IDE: variants seen among roughly 807,000 people sequenced by gnomAD.
The protein encoded by IDE is insulin degrading enzyme.
In IDE, 58 loss-of-function variants were observed where a neutral mutation model predicts 133.2. The ratio of observed to expected loss-of-function variants is 0.44; its 90% CI spans 0.35 to 0.54. The LOEUF is 0.54. Among genes scored for constraint, IDE ranks in the 20% least tolerant of loss-of-function variants. The pLI, the probability that IDE is intolerant of heterozygous loss-of-function variation, is 0.00. For synonymous variants in IDE, 396 were observed against 421.3 expected, an observed-to-expected ratio of 0.94 and a Z score of 0.73; for missense variants, 981 against 1,234.0, an observed-to-expected ratio of 0.79 and a Z score of 3.07.
chr10:92,465,737 C>G lies in IDE; in HGVS notation c.2427G>C (p.Glu809Asp). Residue 809 changes from glutamate to aspartate, a missense_variant, in exon 20 of 25, where the codon GAG (glutamate) becomes GAC (aspartate). Coordinates refer to ENST00000265986, the MANE Select transcript of IDE (RefSeq NM_004969.4). ...GTTCCGAGATAATCTGACAGAAGAG[C>G]TCCAGAAACATATTCTCTGAGGTGC... ...MQSTSENMFL[E>D]LFCQIISEPC... 1 of 1,614,084 alleles carries G rather than the reference C, an allele frequency of 6.2e-7. No homozygotes were observed.
In IDE at chr10:92,453,410, G is replaced by A. The variant is rs1443109606; in HGVS notation, c.*1034C>T. Reference sequence around the variant, plus strand: ...ACTGGTAGCAACAAGGGATTTTAGAGTTTTATGAAGACCTGCTATATAAGA... The same window carrying A: ...ACTGGTAGCAACAAGGGATTTTAGAATTTTATGAAGACCTGCTATATAAGA... On this transcript the variant is annotated 3_prime_UTR_variant, in exon 25 of 25. Coordinates refer to ENST00000265986, the MANE Select transcript of IDE (RefSeq NM_004969.4). 6.6e-6 allele frequency: 1 copy of A among 152,130 alleles called. No homozygotes were observed. Among genetic ancestry groups the A allele is most frequent in the African/African-American group, 2.4e-5 (1 of 41,436 alleles). The allele number at this position is 152,130 out of a possible 1,614,324, so 9.4% of individuals were successfully genotyped here.
At chr10:92,545,938 A>G (rs764896641) in intron 1 of IDE, among the ~76,000 whole-genome samples, 7 of 152,218 alleles carry the variant, frequency 4.6e-5, no homozygotes, top group Non-Finnish European at 8.8e-5. Flanking sequence ...ACAGATAAAT[A>G]ACCCAAATAA....
chr10:92,568,687 G>A (rs1042221292), intron 1 of IDE, among the ~76,000 whole-genome samples: 12 of 151,904 alleles, frequency 7.9e-5, no homozygotes, highest in Admixed American at 3.3e-4. Context: ...GTGGTGGCAC[G>A]CGCCTGTAGT....
chr10:92,505,754 A>T (rs1307744895), intron 10 of IDE, among the ~76,000 whole-genome samples: 1 of 152,212 alleles, frequency 6.6e-6, no homozygotes, highest in East Asian at 1.9e-4. Context: ...CAGATAGAAC[A>T]GTGTTTCATG....
rs1347499990 is a variant in IDE at position 92,465,702 on chromosome 10, T to C, written c.2462A>G (p.Asn821Ser). ...CAACTGCTCCTTGGTGCGCAGGGTG[T>C]TGAAGCAAGGTTCCGAGATAATCTG... ...FCQIISEPCF[N>S]TLRTKEQLGY... The change falls in exon 20 of 25, where the codon AAC (asparagine) becomes AGC (serine). Residue 821 changes from asparagine to serine, a missense_variant. By Grantham distance (46) the Asn-to-Ser change is conservative. Transcript: ENST00000265986. The C allele has an allele frequency of 4.3e-6, 7 of 1,613,940 alleles. No homozygotes were observed. Among genetic ancestry groups the C allele is most frequent in the Non-Finnish European group, 5.9e-6 (7 of 1,179,828 alleles).
chr10:92,528,020 T>A lies in IDE; in HGVS notation c.661+3728A>T, dbSNP rs180933264. 7.2e-3 allele frequency among the ~76,000 whole-genome samples: 1,092 copies of A among 152,336 alleles called. 18 individuals are homozygous for A. The highest frequency in any genetic ancestry group is 0.045 in the East Asian group (233 of 5,176). On this transcript the variant is annotated intron_variant, in intron 4 of 24. Transcript: ENST00000265986. ...AATTTTAGTGTGTTTGTCTTCTTTC[T>A]GGCAACCTTGCTGAATTATTTTTAA...
intron 2 of IDE, among the ~76,000 whole-genome samples, chr10:92,535,261 G>A (rs1324601537): frequency 2.6e-5 from 4 of 152,000 alleles, no homozygotes; most frequent in South Asian, 4.1e-4. Context: ...CCACCACCGC[G>A]CCCAGCTAAT....
At chr10:92,566,175 A>G (rs1042909014) in intron 1 of IDE, among the ~76,000 whole-genome samples, 34 of 144,316 alleles carry the variant, frequency 2.4e-4, no homozygotes, top group African/African-American at 8.3e-4. Flanking sequence ...GGGCAACATG[A>G]CGAAATCCTG....
chr10:92,488,647 T>G (rs1847154970), intron 12 of IDE, among the ~76,000 whole-genome samples: 2 of 151,760 alleles, frequency 1.3e-5, no homozygotes. Flanking sequence ...TATGGTGGTG[T>G]GCACCTGTAA....
At chr10:92,509,816 A>G (rs1323163335) in intron 6 of IDE, among the ~76,000 whole-genome samples, 1 of 151,196 alleles carries the variant, frequency 6.6e-6, no homozygotes, top group African/African-American at 2.4e-5. Flanking sequence ...AACTACTCAG[A>G]AGGCTGAGGT....
Position 92,452,407 on chromosome 10 carries a change from C to T in IDE, c.*2037G>A, listed in dbSNP as rs1844787019. ...AGTTCCACAAATCTCATTTACTAAG[C>T]ACTGCGTAAACTGCAGTATCTGGGG... On this transcript the variant is annotated 3_prime_UTR_variant, in exon 25 of 25. Transcript: ENST00000265986. 6.6e-6 allele frequency: 1 copy of T among 152,198 alleles called. No individual in the cohort carries two copies. The highest frequency in any genetic ancestry group is 2.1e-4 in the South Asian group (1 of 4,830). 9.4% of individuals were successfully genotyped at this position (152,198 alleles called of 1,614,324 possible). A position where few individuals can be genotyped will look rare whatever the true frequency, so the allele number is the denominator to read the frequency against.
At chr10:92,522,514 A>G (rs74953121) in intron 4 of IDE, among the ~76,000 whole-genome samples, 5,403 of 152,282 alleles carry the variant, frequency 0.035, 363 homozygotes, top group African/African-American at 0.12. Context: ...GTCAAATACA[A>G]CAAATATTAG....
intron 1 of IDE, among the ~76,000 whole-genome samples, chr10:92,554,293 C>G (rs959310126): frequency 1.2e-4 from 18 of 152,284 alleles, no homozygotes; most frequent in African/African-American, 4.3e-4. Context: ...GTGGCTCATG[C>G]CTGTCATCCC....
At chr10:92,546,967 A>G (rs1223753112) in intron 1 of IDE, among the ~76,000 whole-genome samples, 10 of 152,202 alleles carry the variant, frequency 6.6e-5, no homozygotes, top group Admixed American at 6.5e-4. Context: ...AGAATACCAT[A>G]TAACGTTAAC....
At chr10:92,548,315 T>C (rs751811333) in intron 1 of IDE, among the ~76,000 whole-genome samples, 11 of 128,840 alleles carry the variant, frequency 8.5e-5, no homozygotes, top group Admixed American at 8.2e-4. Context: ...ACCAAGATTG[T>C]GCCACTGCAC....
intron 6 of IDE, among the ~76,000 whole-genome samples, chr10:92,509,588 A>C (rs1417961233): frequency 6.6e-6 from 1 of 151,528 alleles, no homozygotes; most frequent in African/African-American, 2.4e-5. Flanking sequence ...GTGAGACTCC[A>C]TGTCAAAAAA....
chr10:92,517,445 T>C (rs59697343), intron 4 of IDE, among the ~76,000 whole-genome samples: 12,544 of 152,268 alleles, frequency 0.082, 612 homozygotes, highest in Middle Eastern at 0.12. Flanking sequence ...TCTTACTCTG[T>C]TGCCCAGGCT....
At chr10:92,476,829 AG>A (rs1299867970) in intron 15 of IDE, among the ~76,000 whole-genome samples, 1 of 152,238 alleles carries the variant, frequency 6.6e-6, no homozygotes, top group Non-Finnish European at 1.5e-5. Flanking sequence ...AGGTTTCTAC[AG>A]GTGAGGTAAG....
intron 22 of IDE, among the ~76,000 whole-genome samples, chr10:92,458,870 G>A (rs937755199): frequency 4.6e-5 from 7 of 152,012 alleles, no homozygotes; most frequent in South Asian, 2.1e-4. Context: ...GGGCTCTAGC[G>A]ATCTTCCTGT....
Sources: allele counts gnomAD v4.1 joint callset (sites outside exome capture counted in the v4.1 genomes callset), GRCh38; gene constraint gnomAD v4.1.1; transcripts MANE v1.5; gene names NCBI Gene and HGNC (gene_info 2026-07-23, HGNC 2026-07-21).